PACS2: variants seen among roughly 807,000 people sequenced by gnomAD.
PACS2 encodes the protein PACS1-like protein.
In PACS2, 36 loss-of-function variants were observed where a neutral mutation model predicts 113.0. That is an observed-to-expected ratio of 0.32 (90% confidence interval 0.24 to 0.42). The LOEUF (loss-of-function observed/expected upper bound fraction) is 0.42, where lower values mean the gene tolerates loss of function less well. Among genes scored for constraint, PACS2 ranks in the 10% least tolerant of loss-of-function variants. The pLI, the probability that PACS2 is intolerant of heterozygous loss-of-function variation, is 1.00. For synonymous variants in PACS2, 589 were observed against 536.1 expected (o/e 1.10, Z -1.36); for missense variants, 1,015 against 1,239.5 (o/e 0.82, Z 2.72).
intron 1 of PACS2, among the ~76,000 whole-genome samples, chr14:105,343,039 G>C (rs1323841330): frequency 6.6e-6 from 1 of 151,368 alleles, no homozygotes; most frequent in African/African-American, 2.4e-5. Flanking sequence ...ACCAGGCACA[G>C]AACACTGGGC....
chr14:105,379,765 C>G lies in PACS2; in HGVS notation c.986C>G (p.Ser329Trp). The G allele has an allele frequency of 2.5e-6, 4 of 1,613,748 alleles. No individual in the cohort carries two copies. The highest frequency in any genetic ancestry group is 2.2e-5 in the South Asian group (2 of 91,072). The change falls in exon 10 of 25, where the codon TCG becomes TGG. Residue 329 changes from serine (S) to tryptophan (W), a missense_variant. By Grantham distance (177) the Ser-to-Trp change is radical. Transcript: ENST00000447393. ...LRPYFEGLSH[S>W]SSQTEIGSIH... ...CCATACTTTGAAGGCCTGTCGCACT[C>G]GAGCTCGCAGACGGAGATTGGGAGC...
intron 15 of PACS2, 85 bp from the exon 16 acceptor site, chr14:105,383,273 CT>C: frequency 6.7e-7 from 1 of 1,484,532 alleles, no homozygotes; most frequent in Non-Finnish European, 9.3e-7. Context: ...ACGGAGCCCC[CT>C]GGGCTCACAC....
At chr14:105,321,903 A>C (rs2140845694) in intron 1 of PACS2, among the ~76,000 whole-genome samples, 1 of 149,590 alleles carries the variant, frequency 6.7e-6, no homozygotes, top group South Asian at 2.1e-4. Flanking sequence ...GTTATTCAGC[A>C]TGTATCTAGA....
chr14:105,322,828 C>T (rs994378773), intron 1 of PACS2, among the ~76,000 whole-genome samples: 3 of 152,232 alleles, frequency 2.0e-5, no homozygotes, highest in African/African-American at 4.8e-5. Flanking sequence ...TTTCCTTCTT[C>T]TGTTGAATAT....
At chr14:105,333,163 A>G (rs756327420) in intron 1 of PACS2, among the ~76,000 whole-genome samples, 1 of 152,188 alleles carries the variant, frequency 6.6e-6, no homozygotes, top group Non-Finnish European at 1.5e-5. Context: ...ACGCGTGTGC[A>G]CACACACCCT....
At chr14:105,343,644 T>C (rs1303941082) in intron 1 of PACS2, among the ~76,000 whole-genome samples, 1 of 152,206 alleles carries the variant, frequency 6.6e-6, no homozygotes, top group Non-Finnish European at 1.5e-5. Flanking sequence ...TTCATGTGCT[T>C]ATTTGCTATC....
In PACS2 at chr14:105,329,607, G is replaced by A. The variant is rs995642895; in HGVS notation, c.119+14570G>A. 2.6e-5 allele frequency among the ~76,000 whole-genome samples: 4 copies of A among 152,146 alleles called. No homozygotes were observed. Among genetic ancestry groups the A allele is most frequent in the Admixed American group, 6.5e-5 (1 of 15,280 alleles). On this transcript the variant is annotated intron_variant, in intron 1 of 24. Coordinates refer to ENST00000447393, the MANE Select transcript of PACS2 (RefSeq NM_001100913.3). The surrounding 1 kb of genome is among the most constrained non-coding windows in gnomAD (Gnocchi z 6.4). ...CCGCTCTGGTGTCAGCCAAGTGGCG[G>A]GCACCTTCTGGGCTTGGGGGCGGGG... is the stretch of plus-strand genomic sequence containing the variant.
Position 105,385,674 on chromosome 14 carries a change from T to C in PACS2, c.2001-11T>C. The C allele has an allele frequency of 6.6e-7, 1 of 1,520,178 alleles. No individual in the cohort carries two copies. 94.2% of individuals were successfully genotyped at this position (1,520,178 alleles called of 1,614,324 possible). The stretch of plus-strand genomic sequence containing the variant: ...CGTGTCTGTTTTCTCTTTTGGTGGC[T>C]TTCTGAAAAGGAAAAAGCATTTTCA... On this transcript the variant is annotated splice_polypyrimidine_tract_variant and intron_variant, in intron 18 of 24. Coordinates refer to ENST00000447393, the MANE Select transcript of PACS2 (RefSeq NM_001100913.3).
chr14:105,377,110 C>T (rs985999476), intron 9 of PACS2, among the ~76,000 whole-genome samples, 185 bp downstream of exon 9: 15 of 152,128 alleles, frequency 9.9e-5, no homozygotes, highest in African/African-American at 2.7e-4. Flanking sequence ...GCCCAGGCTA[C>T]GGCTGCACTG....
chr14:105,383,183 T>A, intron 15 of PACS2, 176 bp from the exon 16 acceptor site: 1 of 751,530 alleles, frequency 1.3e-6, no homozygotes, highest in Non-Finnish European at 2.3e-6. Flanking sequence ...GTGTGGTCCC[T>A]CAGCCTGGGC....
intron 20 of PACS2, 134 bp downstream of exon 20, chr14:105,390,137 C>T (rs1203126759): frequency 9.4e-6 from 8 of 850,900 alleles, no homozygotes; most frequent in African/African-American, 1.7e-5. Context: ...TTTGCCTTCC[C>T]ATCTGGCCTG....
intron 19 of PACS2, chr14:105,388,779 G>T (rs1284510745): frequency 6.6e-6 from 1 of 152,528 alleles, no homozygotes; most frequent in African/African-American, 2.4e-5. Context: ...TGAGACAGAA[G>T]AAACAGCTGA....
chr14:105,328,293 T>C (rs2059194440), intron 1 of PACS2, among the ~76,000 whole-genome samples: 1 of 152,202 alleles, frequency 6.6e-6, no homozygotes, highest in Admixed American at 6.5e-5. Context: ...AGGGTTGTCC[T>C]CACCTCTCCT....
intron 9 of PACS2, 147 bp downstream of exon 9, chr14:105,377,072 G>A (rs2080810412): frequency 1.2e-6 from 1 of 844,290 alleles, no homozygotes; most frequent in South Asian, 1.8e-5. Flanking sequence ...CTGGTGGCTG[G>A]AAGGAGGGGT....
intron 12 of PACS2, 82 bp from the exon 13 acceptor site, chr14:105,381,832 G>A (rs1259866413): frequency 8.5e-6 from 11 of 1,289,040 alleles, no homozygotes; most frequent in East Asian, 2.5e-5. Context: ...CAATGTGTAG[G>A]CCACTGCAGG....
At position 105,397,340 on chromosome 14, in the gene PACS2, G is replaced by C. The variant is rs1356117976; in HGVS notation, c.*2668G>C. 2 of 152,524 alleles carry C rather than the reference G, an allele frequency of 1.3e-5. No individual in the cohort carries two copies. The highest frequency in any genetic ancestry group is 1.9e-4 in the East Asian group (1 of 5,204). 9.4% of individuals were successfully genotyped at this position (152,524 alleles called of 1,614,324 possible). A position where few individuals can be genotyped will look rare whatever the true frequency, so the allele number is the denominator to read the frequency against. On this transcript the variant is annotated 3_prime_UTR_variant, in exon 25 of 25. Transcript: ENST00000447393. ...AGCCATCTGACAGCCAGTGCGGTAA[G>C]GGCGGGGGATGTGTGTGTGAGGTGT...
chr14:105,357,614 C>T lies in PACS2; in HGVS notation c.423+2437C>T, dbSNP rs1378187841. On this transcript the variant is annotated intron_variant, in intron 4 of 24. Coordinates refer to ENST00000447393, the MANE Select transcript of PACS2 (RefSeq NM_001100913.3). The surrounding 1 kb of genome is among the most constrained non-coding windows in gnomAD (Gnocchi z 5.1). Reference sequence around the variant, plus strand: ...CCTGCCACCTTTTGGGGCTGGTTCCCACCTGTGAGCGTTGCTGGCTTGTTG... The same window carrying T: ...CCTGCCACCTTTTGGGGCTGGTTCCTACCTGTGAGCGTTGCTGGCTTGTTG... Among the ~76,000 whole-genome samples, 3 of 152,158 alleles carry T rather than the reference C, an allele frequency of 2.0e-5. No individual in the cohort carries two copies. The highest frequency in any genetic ancestry group is 1.9e-4 in the East Asian group (1 of 5,164).
chr14:105,352,484 T>A lies in PACS2; in HGVS notation c.297+17T>A. On this transcript the variant is annotated intron_variant, in intron 3 of 24. Coordinates refer to ENST00000447393, the MANE Select transcript of PACS2 (RefSeq NM_001100913.3). ...TCCTTGCAGGTGAGTCTTTCACCAG[T>A]GGTGACGACACCCTCATCACTGTCC... 4 of 1,507,958 alleles carry A rather than the reference T, an allele frequency of 2.7e-6. No homozygotes were observed. Among genetic ancestry groups the A allele is most frequent in the Non-Finnish European group, 3.7e-6 (4 of 1,084,502 alleles). The allele number at this position is 1,507,958 out of a possible 1,614,324, so 93.4% of individuals were successfully genotyped here. A position where few individuals can be genotyped will look rare whatever the true frequency, so the allele number is the denominator to read the frequency against.
chr14:105,375,735 C>T (rs1330198575), intron 8 of PACS2, among the ~76,000 whole-genome samples: 1 of 152,192 alleles, frequency 6.6e-6, no homozygotes, highest in Non-Finnish European at 1.5e-5. Context: ...CCACAGGAAG[C>T]AGTTGCCAGA....
Sources: gnomAD v4.1 joint callset for allele counts (sites outside exome capture counted in the v4.1 genomes callset) on GRCh38, gnomAD v4.1.1 for gene constraint, Gnocchi (gnomAD v3.1) non-coding constraint, MANE v1.5 for transcripts, NCBI Gene and HGNC (gene_info 2026-07-23, HGNC 2026-07-21) for gene names.